Variants in FOXD4L1 observed in about 807,000 individuals in gnomAD.
The protein encoded by FOXD4L1 is forkhead box D4 like 1, also known as forkhead box protein D4-like 1.
Under a neutral mutation model 24.8 loss-of-function variants are expected in FOXD4L1, and 10 were observed. The ratio of observed to expected loss-of-function variants is 0.40; its 90% CI spans 0.25 to 0.68. FOXD4L1 has a LOEUF of 0.68. Among genes scored for constraint, FOXD4L1 ranks in the 30% least tolerant of loss-of-function variants. The pLI is 0.37. For synonymous variants in FOXD4L1, 159 were observed against 256.4 expected (o/e 0.62, Z 3.63); for missense variants, 364 against 572.4 (o/e 0.64, Z 3.72).
Position 113,500,656 on chromosome 2 carries a change from C to T in FOXD4L1, c.*173C>T, listed in dbSNP as rs1238485782. 1.7e-4 allele frequency: 232 copies of T among 1,401,930 alleles called. 42 individuals are homozygous for T. Among genetic ancestry groups the T allele is most frequent in the Non-Finnish European group, 2.0e-4 (216 of 1,057,556 alleles). 86.8% of individuals were successfully genotyped at this position (1,401,930 alleles called of 1,614,324 possible). ...TTGCGCGGCCCATACTGGGCGTGTG[C>T]ATCTGAATCCTGCTGGAGAGCAAAC... On this transcript the variant is annotated 3_prime_UTR_variant, in exon 1 of 1. Coordinates refer to ENST00000306507, the Ensembl canonical transcript of FOXD4L1.
At chr2:113,499,700 C>G in exon 1 of FOXD4L1, 1 of 1,608,870 alleles carries the variant, frequency 6.2e-7, no homozygotes, top group Middle Eastern at 1.7e-4. Context: ...GCCGCAAGTT[C>G]CCCGCCTGGC....
At chr2:113,499,552 C>T in exon 1 of FOXD4L1, 1 of 1,607,734 alleles carries the variant, frequency 6.2e-7, no homozygotes, top group African/African-American at 1.4e-5. Flanking sequence ...GCGGCGGCCT[C>T]TGAAGATGCC....
Position 113,500,135 on chromosome 2 carries a change from C to CA in FOXD4L1, c.880dup (p.Thr294AsnfsTer34), listed in dbSNP as rs760965718. 5.3e-6 allele frequency: 8 copies of CA among 1,515,724 alleles called. No homozygotes were observed. The highest frequency in any genetic ancestry group is 6.2e-6 in the Non-Finnish European group (7 of 1,127,828). The allele number at this position is 1,515,724 out of a possible 1,614,324, so 93.9% of individuals were successfully genotyped here. ...AAGGCGCGGACCTGGCGACCCCCGGCACCCTTCCCGTGCTGCAGCCCTCAC... is the reference window on the plus strand; with the variant it reads ...AAGGCGCGGACCTGGCGACCCCCGGCAACCCTTCCCGTGCTGCAGCCCTCAC... On this transcript the variant is annotated frameshift_variant, in exon 1 of 1. Transcript: ENST00000306507. LOFTEE classifies it high-confidence loss of function.
chr2:113,500,922 C>T (rs1682434553), exon 1 of FOXD4L1: 1 of 297,796 alleles, frequency 3.4e-6, no homozygotes, highest in South Asian at 6.2e-5. Flanking sequence ...CGATGCCAAA[C>T]ATGTTCCCCC....
chr2:113,499,243 G>T (rs771377681), exon 1 of FOXD4L1: 3 of 1,611,690 alleles, frequency 1.9e-6, no homozygotes, highest in East Asian at 2.2e-5. Flanking sequence ...TGCGACTGAA[G>T]CACCTGCTCC....
At position 113,499,911 on chromosome 2, in the gene FOXD4L1, C is replaced by T. The variant is rs1217289380; in HGVS notation, c.655C>T (p.Pro219Ser). Residue 219 changes from proline (P) to serine (S), a missense_variant, in exon 1 of 1, where the codon CCT becomes TCT. Physicochemically the swap from Pro to Ser is moderately conservative, Grantham distance 74 (BLOSUM62 -1). Transcript: ENST00000306507. ...GGGAGCCCACCTGCCCCACCCCTTC[C>T]CTCTACCTGCTGCACACGCCGCCCT... is the stretch of plus-strand genomic sequence containing the variant. 3 of 1,577,864 alleles carry T rather than the reference C, an allele frequency of 1.9e-6. No individual in the cohort carries two copies. In the South Asian group the frequency reaches 3.3e-5, roughly 18 times the overall value.
At chr2:113,499,308 C>T (rs1682392089) in exon 1 of FOXD4L1, 1 of 1,608,950 alleles carries the variant, frequency 6.2e-7, no homozygotes, top group African/African-American at 1.3e-5. Context: ...GCGCAGCCTC[C>T]GGGACTCCGA....
chr2:113,500,025 C>T (rs768136068), exon 1 of FOXD4L1: 3 of 1,585,600 alleles, frequency 1.9e-6, no homozygotes, highest in East Asian at 4.6e-5. Context: ...CCCCGGGAGA[C>T]GCCCTTACGC....
chr2:113,498,842 C>T (rs1268529281), exon 1 of FOXD4L1: 1 of 333,144 alleles, frequency 3.0e-6, no homozygotes, highest in African/African-American at 2.2e-5. Context: ...CTTAACAGAA[C>T]CCGTGCAAAG....
chr2:113,499,106 A>G (rs1198333963), exon 1 of FOXD4L1: 7 of 1,399,906 alleles, frequency 5.0e-6, no homozygotes, highest in Non-Finnish European at 6.8e-6. Flanking sequence ...CGTTGTTGCA[A>G]AGGAGTAGAA....
Position 113,499,762 on chromosome 2 carries a change from C to A in FOXD4L1, c.506C>A (p.Pro169His), listed in dbSNP as rs2104912037. ...CTGAACGACTGCTTCGTCAAGATCC[C>A]CCGCGAGCCGGGCCACCCAGGCAAG... The change falls in exon 1 of 1, where the codon CCC becomes CAC. Residue 169 changes from proline (P) to histidine (H), a missense_variant. Coordinates refer to ENST00000306507, the Ensembl canonical transcript of FOXD4L1. The A allele has an allele frequency of 3.1e-6, 5 of 1,591,804 alleles. No homozygotes were observed. In the South Asian group the frequency reaches 5.6e-5, roughly 18 times the overall value.
chr2:113,500,142 C>T lies in FOXD4L1; in HGVS notation c.886C>T (p.Pro296Ser), dbSNP rs867124171. 1.3e-5 allele frequency: 19 copies of T among 1,518,034 alleles called. 3 individuals carry two copies. Among genetic ancestry groups the T allele is most frequent in the Non-Finnish European group, 1.6e-5 (18 of 1,129,172 alleles). The allele number at this position is 1,518,034 out of a possible 1,614,324, so 94.0% of individuals were successfully genotyped here. A position where few individuals can be genotyped will look rare whatever the true frequency, so the allele number is the denominator to read the frequency against. The stretch of plus-strand genomic sequence containing the variant: ...GGACCTGGCGACCCCCGGCACCCTT[C>T]CCGTGCTGCAGCCCTCACTTGGTCC... Residue 296 changes from proline (P) to serine (S), a missense_variant, in exon 1 of 1, where the codon CCC becomes TCC. By Grantham distance (74) the Pro-to-Ser change is moderately conservative. Transcript: ENST00000306507.
At chr2:113,499,554 G>A in exon 1 of FOXD4L1, 1 of 1,607,978 alleles carries the variant, frequency 6.2e-7, no homozygotes. Flanking sequence ...GGCGGCCTCT[G>A]AAGATGCCCG....
At chr2:113,499,139 A>G (rs566649387) in exon 1 of FOXD4L1, 6 of 1,547,172 alleles carry the variant, frequency 3.9e-6, no homozygotes, top group Middle Eastern at 2.3e-4. Flanking sequence ...AAACATCCCA[A>G]AGGGTAACCA....
exon 1 of FOXD4L1, chr2:113,499,486 G>T: frequency 1.3e-6 from 2 of 1,583,160 alleles, no homozygotes; most frequent in Non-Finnish European, 1.7e-6. Flanking sequence ...ATCGAGGGCG[G>T]CGGCCCGAGC....
chr2:113,499,499 C>G (rs201093847), exon 1 of FOXD4L1: 1 of 1,600,732 alleles, frequency 6.2e-7, no homozygotes, highest in African/African-American at 1.4e-5. Context: ...GCCCGAGCGA[C>G]CCCTCAGAGT....
At chr2:113,499,141 G>A in exon 1 of FOXD4L1, 1 of 1,552,914 alleles carries the variant, frequency 6.4e-7, no homozygotes, top group East Asian at 2.3e-5. Flanking sequence ...ACATCCCAAA[G>A]GGTAACCACT....
At chr2:113,500,591 A>G in exon 1 of FOXD4L1, 1 of 1,475,652 alleles carries the variant, frequency 6.8e-7, no homozygotes, top group Admixed American at 2.2e-5. Flanking sequence ...TCCTAGAGCC[A>G]GGTGGGAGTG....
chr2:113,499,609 T>C (rs1244195744), exon 1 of FOXD4L1: 10 of 1,611,882 alleles, frequency 6.2e-6, no homozygotes, highest in East Asian at 2.2e-5. Context: ...CTCATCACCA[T>C]GGCCATCCTG....
Sources: allele counts gnomAD v4.1 joint callset, GRCh38; gene constraint gnomAD v4.1.1; transcripts MANE v1.5; gene names NCBI Gene and HGNC (gene_info 2026-07-23, HGNC 2026-07-21).